Variants in PAK3 observed in about 807,000 individuals in gnomAD.
The protein encoded by PAK3 is serine/threonine-protein kinase PAK 3.
PAK3 carries 4 observed loss-of-function variants against 41.0 expected under a neutral mutation model. The ratio of observed to expected loss-of-function variants is 0.10; its 90% CI spans 0.05 to 0.22. The LOEUF is 0.22. Among genes scored for constraint, PAK3 ranks in the 10% least tolerant of loss-of-function variants. The pLI is 1.00. For missense variants in PAK3, 205 were observed against 409.9 expected, an observed-to-expected ratio of 0.50 and a Z score of 4.32; for synonymous variants, 146 against 139.6, an observed-to-expected ratio of 1.05 and a Z score of -0.32.
Position 111,194,419 on chromosome X carries a change from GT to G in PAK3, c.1110+2del. 1.0e-6 allele frequency: 1 copy of G among 993,315 alleles called. No homozygotes were observed. The highest frequency in any genetic ancestry group is 1.4e-6 in the Non-Finnish European group (1 of 696,221). The allele number at this position is 993,315 out of a possible 1,213,427, so 81.9% of individuals were successfully genotyped here. A position where few individuals can be genotyped will look rare whatever the true frequency, so the allele number is the denominator to read the frequency against. Reference sequence around the variant, plus strand: ...ACAGATAGCAGCTGTCTGCAGAGAGGTAAGCAAATAGAGCATTTCTAGCTGA... The same window carrying G: ...ACAGATAGCAGCTGTCTGCAGAGAGGAAGCAAATAGAGCATTTCTAGCTGA... On this transcript the variant is annotated splice_donor_variant, in intron 14 of 17. Coordinates refer to ENST00000372007, the MANE Select transcript of PAK3 (RefSeq NM_002578.5). LOFTEE classifies it high-confidence loss of function.
chrX:110,945,317 C>T (rs1310360597), intron 1 of PAK3, among the ~76,000 whole-genome samples: 1 of 111,508 alleles, frequency 9.0e-6, no homozygotes, highest in Non-Finnish European at 1.9e-5. Flanking sequence ...CCATGCCAAG[C>T]CAGACTGCAG....
At chrX:110,949,622 G>A (rs1272807074) in intron 1 of PAK3, among the ~76,000 whole-genome samples, 2 of 111,308 alleles carry the variant, frequency 1.8e-5, no homozygotes, top group Non-Finnish European at 3.8e-5. Flanking sequence ...AAGATTCCCA[G>A]AGGTGGAATT....
chrX:111,006,701 C>T (rs1039306857), intron 1 of PAK3, among the ~76,000 whole-genome samples: 6 of 111,236 alleles, frequency 5.4e-5, no homozygotes, highest in Non-Finnish European at 1.1e-4. Context: ...AGACATTATC[C>T]TACATCAGTG....
chrX:111,041,654 C>T (rs2092453598), intron 1 of PAK3, among the ~76,000 whole-genome samples: 1 of 111,374 alleles, frequency 9.0e-6, no homozygotes, highest in South Asian at 3.8e-4. Context: ...ACCTCCACTC[C>T]CTGTTACACT....
At chrX:111,092,575 T>G (rs1314158329), upstream of PAK3, among the ~76,000 whole-genome samples, 7 of 111,937 alleles carry the variant, frequency 6.3e-5, no homozygotes, top group Non-Finnish European at 1.3e-4. Flanking sequence ...ATGATTCACT[T>G]ACTTGGGCAG....
At chrX:111,098,191 G>A (rs758584930) in intron 3 of PAK3, among the ~76,000 whole-genome samples, 1 of 110,987 alleles carries the variant, frequency 9.0e-6, no homozygotes, top group Non-Finnish European at 1.9e-5. Flanking sequence ...CTTGGGAGAG[G>A]GTGAGTGGTG....
chrX:110,994,502 C>T (rs2091707276), intron 1 of PAK3, among the ~76,000 whole-genome samples: 2 of 111,413 alleles, frequency 1.8e-5, no homozygotes, highest in African/African-American at 6.5e-5. Flanking sequence ...AGGAGAACTG[C>T]CTTGCCATTG....
Position 111,052,080 on chromosome X carries a change from A to C in PAK3, c.-27-70997A>C, listed in dbSNP as rs186281592. Among the ~76,000 whole-genome samples the C allele has an allele frequency of 2.2e-3, 245 of 112,369 alleles. 2 individuals are homozygous for C. The highest frequency in any genetic ancestry group is 3.5e-3 in the Non-Finnish European group (187 of 53,228). On this transcript the variant is annotated intron_variant, in intron 1 of 14. Transcript: ENST00000425146. ...GAGGACTTTGGGAACAGCAGCTACT[A>C]TCCATCCTTGGCCCTGCCTGAGCCT...
chrX:111,207,073 C>CGTGTGTGTGT (rs367846225), intron 16 of PAK3, among the ~76,000 whole-genome samples: 1 of 97,376 alleles, frequency 1.0e-5, no homozygotes, highest in African/African-American at 3.8e-5. Context: ...TAGATATATA[C>CGTGTGTGTGT]GTGTGTGTGT....
At chrX:111,050,613 A>G (rs1359021486) in intron 1 of PAK3, among the ~76,000 whole-genome samples, 1 of 112,151 alleles carries the variant, frequency 8.9e-6, no homozygotes, top group Admixed American at 9.4e-5. Context: ...AGTTAGTAGT[A>G]GAACTGGGTT....
chrX:110,974,049 C>A (rs1177388236), intron 1 of PAK3, among the ~76,000 whole-genome samples: 1 of 111,665 alleles, frequency 9.0e-6, no homozygotes, highest in East Asian at 2.8e-4. Context: ...TACAGGAGCA[C>A]CCAGATTCAT....
At chrX:111,115,676 T>A (rs1373831872) in intron 4 of PAK3, among the ~76,000 whole-genome samples, 1 of 112,368 alleles carries the variant, frequency 8.9e-6, no homozygotes, top group East Asian at 2.8e-4. Context: ...CTTGAGGAAG[T>A]GTTGCTGCAT....
chrX:110,973,109 G>A (rs1296181683), intron 1 of PAK3, among the ~76,000 whole-genome samples: 2 of 111,747 alleles, frequency 1.8e-5, no homozygotes, highest in East Asian at 5.6e-4. Context: ...GAAAGTGATG[G>A]GGTGAATGGA....
intron 4 of PAK3, among the ~76,000 whole-genome samples, chrX:111,115,276 CATACTCA>C (rs1228130642): frequency 1.8e-5 from 2 of 112,432 alleles, no homozygotes; most frequent in African/African-American, 6.4e-5. Flanking sequence ...GGAAAACCAA[CATACTCA>C]ATCATGAGTT....
At chrX:111,009,598 C>A (rs1307227236) in intron 1 of PAK3, among the ~76,000 whole-genome samples, 1 of 112,032 alleles carries the variant, frequency 8.9e-6, no homozygotes, top group Non-Finnish European at 1.9e-5. Context: ...CTTTGGCCTC[C>A]CCGTTATTAT....
At chrX:111,124,435 T>C (rs185619675) in intron 5 of PAK3, among the ~76,000 whole-genome samples, 1 of 111,704 alleles carries the variant, frequency 9.0e-6, no homozygotes, top group African/African-American at 3.3e-5. Flanking sequence ...GAATTTAGGG[T>C]GTACCATAAT....
chrX:110,991,692 A>T (rs907903768), intron 1 of PAK3, among the ~76,000 whole-genome samples: 13 of 112,414 alleles, frequency 1.2e-4, no homozygotes, highest in African/African-American at 3.9e-4. Flanking sequence ...CAATCATGCC[A>T]AATCTTACTA....
intron 1 of PAK3, among the ~76,000 whole-genome samples, chrX:110,961,367 C>A (rs2090974575): frequency 9.0e-6 from 1 of 111,667 alleles, no homozygotes; most frequent in Non-Finnish European, 1.9e-5. Context: ...TTAAACCAAC[C>A]TGCACCACCC....
rs185587130 is a variant in PAK3, at chrX:111,082,211, A to G, written c.-27-40866A>G. ...ATTTGTTGGCAGTTGACATTCACGA[A>G]GAGAGTGAGAGTGGAAGAACAATAT... On this transcript the variant is annotated intron_variant, in intron 1 of 14. Transcript: ENST00000425146. Among the ~76,000 whole-genome samples the G allele has an allele frequency of 3.5e-3, 390 of 111,856 alleles. 3 individuals carry two copies. Among genetic ancestry groups the G allele is most frequent in the African/African-American group, 0.012 (379 of 30,800 alleles).
Sources: allele counts gnomAD v4.1 joint callset (sites outside exome capture counted in the v4.1 genomes callset), GRCh38; gene constraint gnomAD v4.1.1; transcripts MANE v1.5; gene names NCBI Gene and HGNC (gene_info 2026-07-23, HGNC 2026-07-21).